Variants in NHSL2 observed in about 807,000 individuals in gnomAD.
NHSL2 encodes NHS like 2, also known as NHS-like protein 2.
NHSL2 carries 27 observed loss-of-function variants against 53.4 expected under a neutral mutation model. That is an observed-to-expected ratio of 0.51 (90% CI 0.37 to 0.70). NHSL2 has a LOEUF of 0.70. Among genes scored for constraint, NHSL2 ranks in the 30% least tolerant of loss-of-function variants. The probability of loss-of-function intolerance (pLI) is 0.00; values close to 1 mark genes in which losing one functional copy is unlikely to be tolerated. For missense variants in NHSL2, 892 were observed against 980.1 expected, an observed-to-expected ratio of 0.91 and a Z score of 1.20; for synonymous variants, 408 against 404.1, an observed-to-expected ratio of 1.01 and a Z score of -0.12.
At chrX:72,028,916 C>T (rs1200005010) in intron 1 of NHSL2, among the ~76,000 whole-genome samples, 11 of 112,242 alleles carry the variant, frequency 9.8e-5, no homozygotes, top group Non-Finnish European at 1.9e-5. Context: ...TTGCCAAGAA[C>T]ATCTAAGGAC....
At chrX:71,912,871 T>C (rs1218479653) in intron 1 of NHSL2, among the ~76,000 whole-genome samples, 3 of 111,770 alleles carry the variant, frequency 2.7e-5, no homozygotes, top group Non-Finnish European at 5.6e-5. Flanking sequence ...GGACAGTTTT[T>C]TCAACTCTAC....
At chrX:72,054,858 TC>T (rs1268994916) in intron 1 of NHSL2, among the ~76,000 whole-genome samples, 1 of 110,682 alleles carries the variant, frequency 9.0e-6, no homozygotes, top group Non-Finnish European at 1.9e-5. Context: ...ATGATGCCCC[TC>T]CCCCTGCAGT....
intron 1 of NHSL2, among the ~76,000 whole-genome samples, chrX:71,998,069 C>T (rs2042057386): frequency 8.9e-6 from 1 of 111,810 alleles, no homozygotes; most frequent in Admixed American, 9.5e-5. Context: ...AAGTTTGGGC[C>T]ACAGAGGATT....
chrX:72,064,284 T>C (rs192339142), intron 1 of NHSL2, among the ~76,000 whole-genome samples: 70 of 111,579 alleles, frequency 6.3e-4, no homozygotes, highest in African/African-American at 2.2e-3. Context: ...AATTCACTTT[T>C]CCTTATGGAA....
chrX:72,114,701 G>C (rs1056707440), intron 1 of NHSL2, among the ~76,000 whole-genome samples: 5 of 112,591 alleles, frequency 4.4e-5, no homozygotes, highest in African/African-American at 1.6e-4. Context: ...AATCCCCAAA[G>C]AGGGCTAACA....
intron 1 of NHSL2, among the ~76,000 whole-genome samples, chrX:72,082,772 A>G (rs763879138): frequency 2.7e-5 from 3 of 111,422 alleles, no homozygotes; most frequent in African/African-American, 9.8e-5. Flanking sequence ...TTCTTTCCAC[A>G]CTGCCCATCA....
chrX:72,003,804 A>G (rs764442205), intron 1 of NHSL2, among the ~76,000 whole-genome samples: 2 of 111,381 alleles, frequency 1.8e-5, no homozygotes, highest in African/African-American at 6.5e-5. Context: ...TTAATCCTTA[A>G]AGGAAAGATT....
At chrX:72,131,684 C>T in intron 1 of NHSL2, 1 of 522,265 alleles carries the variant, frequency 1.9e-6, no homozygotes, top group Middle Eastern at 6.5e-4. Context: ...CCGGGCCACA[C>T]CCACCGGGGC....
intron 1 of NHSL2, among the ~76,000 whole-genome samples, chrX:72,066,193 C>T (rs2042428323): frequency 9.0e-6 from 1 of 111,199 alleles, no homozygotes; most frequent in Non-Finnish European, 1.9e-5. Flanking sequence ...GGAGATGATG[C>T]CGTGAAGTGC....
chrX:72,063,301 C>T (rs756957908), intron 1 of NHSL2, among the ~76,000 whole-genome samples: 2 of 112,870 alleles, frequency 1.8e-5, no homozygotes, highest in South Asian at 3.6e-4. Flanking sequence ...CACTGCCTTT[C>T]TGGTCACTTT....
At chrX:72,063,053 G>A (rs865790465) in intron 1 of NHSL2, among the ~76,000 whole-genome samples, 3 of 112,166 alleles carry the variant, frequency 2.7e-5, no homozygotes, top group Non-Finnish European at 3.8e-5. Context: ...TTGTGTCTGC[G>A]TCTCTGCTTA....
chrX:72,094,694 A>C (rs895759645), intron 1 of NHSL2, among the ~76,000 whole-genome samples: 24 of 110,854 alleles, frequency 2.2e-4, no homozygotes, highest in Non-Finnish European at 1.5e-4. Flanking sequence ...AATCCTTAGG[A>C]TCTATTGCTT....
At chrX:72,024,567 C>T (rs767183348) in intron 1 of NHSL2, among the ~76,000 whole-genome samples, 42 of 112,122 alleles carry the variant, frequency 3.7e-4, no homozygotes, top group Non-Finnish European at 6.4e-4. Flanking sequence ...CAGATGAGGA[C>T]GGGCACAGAG....
intron 1 of NHSL2, among the ~76,000 whole-genome samples, chrX:72,038,232 G>A (rs1014932799): frequency 1.2e-4 from 13 of 112,083 alleles, no homozygotes; most frequent in Admixed American, 2.8e-4. Flanking sequence ...CTGAGATGCC[G>A]CAATCCCTAT....
chrX:72,094,751 C>CA (rs1304875913), intron 1 of NHSL2, among the ~76,000 whole-genome samples: 2 of 111,321 alleles, frequency 1.8e-5, no homozygotes, highest in Non-Finnish European at 3.8e-5. Context: ...GAATGATAAC[C>CA]AAATTTTTGC....
At chrX:72,105,544 G>A (rs932709402) in intron 1 of NHSL2, among the ~76,000 whole-genome samples, 12 of 111,565 alleles carry the variant, frequency 1.1e-4, no homozygotes, top group African/African-American at 3.9e-4. Flanking sequence ...GAACCGTGCC[G>A]TTGTCATCTT....
intron 1 of NHSL2, among the ~76,000 whole-genome samples, chrX:72,004,543 G>A (rs1337434121): frequency 8.9e-6 from 1 of 111,981 alleles, no homozygotes; most frequent in Non-Finnish European, 1.9e-5. Context: ...AGTGAGGAGT[G>A]CTGCCTCTGG....
rs1480439735 is a variant in NHSL2, at chrX:72,149,064, G to A, written c.*5490G>A. On this transcript the variant is annotated 3_prime_UTR_variant, in exon 8 of 8. Coordinates refer to ENST00000633930, the MANE Select transcript of NHSL2 (RefSeq NM_001013627.3). ...TGGTTTTAAGAAATTATCAGATTGA[G>A]GAGTCTCATGTTTTATGGGACTCCG... is the stretch of plus-strand genomic sequence containing the variant. The A allele has an allele frequency of 9.1e-6, 1 of 110,216 alleles. No individual in the cohort carries two copies. Among genetic ancestry groups the A allele is most frequent in the African/African-American group, 3.3e-5 (1 of 30,177 alleles). 9.1% of individuals were successfully genotyped at this position (110,216 alleles called of 1,213,427 possible). A position where few individuals can be genotyped will look rare whatever the true frequency, so the allele number is the denominator to read the frequency against.
chrX:72,090,514 T>G (rs1055449700), intron 1 of NHSL2, among the ~76,000 whole-genome samples: 3 of 112,302 alleles, frequency 2.7e-5, no homozygotes, highest in African/African-American at 9.7e-5. Flanking sequence ...GTACCACAAT[T>G]TATTTAACCA....
Sources: allele counts gnomAD v4.1 joint callset (sites outside exome capture counted in the v4.1 genomes callset), GRCh38; gene constraint gnomAD v4.1.1; transcripts MANE v1.5; gene names NCBI Gene and HGNC (gene_info 2026-07-23, HGNC 2026-07-21).